The following PRKG1 variants were observed in gnomAD, a reference collection of about 807,000 sequenced individuals.
The protein encoded by PRKG1 is protein kinase cGMP-dependent 1, also known as cGMP-dependent protein kinase 1.
PRKG1 carries 35 observed loss-of-function variants against 88.1 expected under a neutral mutation model. The ratio of observed to expected loss-of-function variants is 0.40; its 90% CI spans 0.30 to 0.53. The LOEUF (loss-of-function observed/expected upper bound fraction) is 0.53, where lower values mean the gene tolerates loss of function less well. PRKG1 is among the 20% of genes least tolerant of loss of function. The pLI is 0.59. For synonymous variants in PRKG1, 303 were observed against 292.5 expected (o/e 1.04, Z -0.37); for missense variants, 540 against 839.8 (o/e 0.64, Z 4.41).
intron 5 of PRKG1, chr10:52,046,859 C>T (rs933850774): frequency 4.6e-5 from 7 of 152,130 alleles, no homozygotes; most frequent in African/African-American, 1.7e-4. Context: ...GATTGTGTAT[C>T]TCCTCTGCAC....
chr10:52,014,811 G>C (rs1844993703), intron 5 of PRKG1, among the ~76,000 whole-genome samples: 2 of 152,222 alleles, frequency 1.3e-5, no homozygotes, highest in African/African-American at 2.4e-5. Flanking sequence ...CCCCATGTAA[G>C]TCTGAAAGCT....
At chr10:52,107,347 A>AT (rs1453598396) in intron 7 of PRKG1, among the ~76,000 whole-genome samples, 2 of 152,354 alleles carry the variant, frequency 1.3e-5, no homozygotes, top group East Asian at 3.9e-4. Context: ...GTTCTGCTGT[A>AT]TTTTAATTGC....
chr10:52,229,502 T>A (rs1436345328), intron 9 of PRKG1, among the ~76,000 whole-genome samples: 4 of 152,010 alleles, frequency 2.6e-5, no homozygotes, highest in Non-Finnish European at 5.9e-5. Context: ...GGAAGAGGGG[T>A]CTATCTACAG....
chr10:52,190,881 ACC>A (rs1352024017), intron 9 of PRKG1, among the ~76,000 whole-genome samples: 2 of 152,140 alleles, frequency 1.3e-5, no homozygotes, highest in Non-Finnish European at 2.9e-5. Flanking sequence ...TTTAAAACAA[ACC>A]AGTGAAAGAT....
intron 3 of PRKG1, among the ~76,000 whole-genome samples, chr10:51,480,701 C>T (rs1460597250): frequency 6.6e-6 from 1 of 151,946 alleles, no homozygotes; most frequent in Non-Finnish European, 1.5e-5. Flanking sequence ...TTTTTAATAA[C>T]AGTATTAAGC....
intron 3 of PRKG1, among the ~76,000 whole-genome samples, chr10:51,569,272 T>G (rs770828272): frequency 3.3e-5 from 5 of 152,034 alleles, no homozygotes; most frequent in Non-Finnish European, 7.4e-5. Flanking sequence ...AATAACTTTA[T>G]AGCAAGTATT....
At chr10:51,015,182 A>G (rs1843042362) in intron 1 of PRKG1, among the ~76,000 whole-genome samples, 1 of 152,218 alleles carries the variant, frequency 6.6e-6, no homozygotes. Context: ...TCTAAGTCCA[A>G]TAATGCCTTT....
intron 3 of PRKG1, among the ~76,000 whole-genome samples, chr10:51,577,406 G>A (rs1407561741): frequency 6.6e-6 from 1 of 151,968 alleles, no homozygotes; most frequent in African/African-American, 2.4e-5. Flanking sequence ...TTATTTTGCT[G>A]TTTTAAAATA....
intron 5 of PRKG1, among the ~76,000 whole-genome samples, chr10:51,921,576 A>G (rs1001806513): frequency 5.9e-5 from 9 of 152,050 alleles, no homozygotes; most frequent in African/African-American, 2.2e-4. Flanking sequence ...GTTGTTTTTA[A>G]CAAAACTTAC....
intron 3 of PRKG1, among the ~76,000 whole-genome samples, chr10:51,718,447 C>A (rs1841936875): frequency 6.6e-6 from 1 of 152,068 alleles, no homozygotes; most frequent in South Asian, 2.1e-4. Flanking sequence ...AAGCTAGGTG[C>A]ATTAGATAGG....
intron 9 of PRKG1, among the ~76,000 whole-genome samples, chr10:52,170,725 T>G (rs549968940): frequency 6.6e-6 from 1 of 152,332 alleles, no homozygotes; most frequent in South Asian, 2.1e-4. Context: ...AAAGAAACAT[T>G]TAAGACTGTC....
chr10:51,639,065 C>T (rs1461792419), intron 3 of PRKG1, among the ~76,000 whole-genome samples: 1 of 151,438 alleles, frequency 6.6e-6, no homozygotes. Flanking sequence ...TTTTTTTCAG[C>T]AGTTTTAAAA....
At chr10:51,914,033 A>T (rs937272206) in intron 5 of PRKG1, among the ~76,000 whole-genome samples, 1 of 152,042 alleles carries the variant, frequency 6.6e-6, no homozygotes. Flanking sequence ...ACAGGATCCA[A>T]TCTCCTCTTT....
intron 3 of PRKG1, among the ~76,000 whole-genome samples, chr10:51,532,556 A>T (rs1422579068): frequency 6.6e-6 from 1 of 152,168 alleles, no homozygotes; most frequent in Non-Finnish European, 1.5e-5. Context: ...ATCTCAAGGG[A>T]CATTATATGG....
At chr10:51,114,922 C>G (rs960666428) in intron 1 of PRKG1, among the ~76,000 whole-genome samples, 1 of 152,118 alleles carries the variant, frequency 6.6e-6, no homozygotes, top group Admixed American at 6.6e-5. Context: ...TTAATGGAAA[C>G]TAAAACTTAT....
intron 1 of PRKG1, among the ~76,000 whole-genome samples, chr10:51,023,540 C>T (rs1172755578): frequency 6.6e-6 from 1 of 152,108 alleles, no homozygotes; most frequent in African/African-American, 2.4e-5. Flanking sequence ...ACCTGTGCAC[C>T]TATATTATCC....
intron 3 of PRKG1, among the ~76,000 whole-genome samples, chr10:51,663,603 C>G (rs10823373): frequency 0.85 from 128,495 of 151,182 alleles, 55,762 homozygotes; most frequent in Middle Eastern, 0.95. Context: ...TGTAGTCCTA[C>G]CTACTCTGGA....
At chr10:52,000,782 AAAG>A (rs1018413808) in intron 5 of PRKG1, among the ~76,000 whole-genome samples, 3 of 152,076 alleles carry the variant, frequency 2.0e-5, no homozygotes, top group South Asian at 2.1e-4. Context: ...AAAATGGTTT[AAAG>A]AAGATCTTAA....
intron 9 of PRKG1, among the ~76,000 whole-genome samples, chr10:52,238,706 C>G (rs28789801): frequency 0.053 from 7,758 of 147,624 alleles, 604 homozygotes; most frequent in African/African-American, 0.18. Context: ...AATAGGAACA[C>G]TTTTACACTG....
Sources: gnomAD v4.1 joint callset for allele counts (sites outside exome capture counted in the v4.1 genomes callset) on GRCh38, gnomAD v4.1.1 for gene constraint, MANE v1.5 for transcripts, NCBI Gene and HGNC (gene_info 2026-07-23, HGNC 2026-07-21) for gene names.